The following AACS variants were observed in gnomAD, a reference collection of about 807,000 sequenced individuals.
AACS encodes the protein acetoacetate-CoA ligase.
AACS carries 69 observed loss-of-function variants against 83.1 expected under a neutral mutation model. The ratio of observed to expected loss-of-function variants is 0.83; its 90% CI spans 0.68 to 1.01. AACS has a LOEUF of 1.01. AACS is among the 50% of genes least tolerant of loss of function. The pLI, the probability that AACS is intolerant of heterozygous loss-of-function variation, is 0.00. For synonymous variants in AACS, 333 were observed against 343.4 expected (o/e 0.97, Z 0.33); for missense variants, 866 against 882.2 (o/e 0.98, Z 0.23).
chr12:125,132,759 C>T (rs967641348), intron 14 of AACS, among the ~76,000 whole-genome samples: 2 of 152,172 alleles, frequency 1.3e-5, no homozygotes, highest in African/African-American at 4.8e-5. Flanking sequence ...TCCCAGGGAC[C>T]ATGCACTCCT....
At chr12:125,102,326 A>T in intron 5 of AACS, 3 of 221,252 alleles carry the variant, frequency 1.4e-5, no homozygotes, top group South Asian at 1.4e-4. Flanking sequence ...CTTGGATTAC[A>T]GGTGTGAGCC....
intron 1 of AACS, among the ~76,000 whole-genome samples, chr12:125,073,348 C>T (rs1185554378): frequency 6.6e-6 from 1 of 152,196 alleles, no homozygotes; most frequent in Non-Finnish European, 1.5e-5. Context: ...CAACAGACTA[C>T]CAGTTTTGAA....
At chr12:125,098,251 A>C (rs939826531) in intron 5 of AACS, among the ~76,000 whole-genome samples, 17 of 152,010 alleles carry the variant, frequency 1.1e-4, no homozygotes, top group African/African-American at 4.1e-4. Context: ...GCAACATGGC[A>C]AAACTCCATC....
chr12:125,138,279 G>C (rs1214160645), intron 17 of AACS: 4 of 152,224 alleles, frequency 2.6e-5, no homozygotes, highest in Non-Finnish European at 5.9e-5. Flanking sequence ...TTGTGTTCTG[G>C]TTCTGCATGG....
chr12:125,128,813 C>T (rs1410063473), intron 13 of AACS: 3 of 154,158 alleles, frequency 1.9e-5, no homozygotes, highest in African/African-American at 7.2e-5. Context: ...ATGTTTGTAG[C>T]GCCCCATGAT....
intron 14 of AACS, among the ~76,000 whole-genome samples, chr12:125,133,781 G>A (rs936487260): frequency 2.0e-5 from 3 of 152,214 alleles, no homozygotes; most frequent in Non-Finnish European, 4.4e-5. Context: ...GAGGAGCTGC[G>A]TTCCTCCTCG....
At chr12:125,110,261 C>T (rs1029751731) in intron 8 of AACS, among the ~76,000 whole-genome samples, 1 of 143,870 alleles carries the variant, frequency 7.0e-6, no homozygotes, top group South Asian at 2.2e-4. Flanking sequence ...TTAGTAGAGA[C>T]GGGGTTTCAC....
chr12:125,072,213 A>G (rs563847977), intron 1 of AACS, among the ~76,000 whole-genome samples: 25 of 148,782 alleles, frequency 1.7e-4, no homozygotes, highest in Non-Finnish European at 3.7e-4. Context: ...GCTGGAGTGC[A>G]GTGGTGGGAT....
intron 9 of AACS, among the ~76,000 whole-genome samples, chr12:125,114,854 A>G (rs1386517541): frequency 6.8e-5 from 10 of 147,898 alleles, no homozygotes; most frequent in African/African-American, 2.5e-4. Flanking sequence ...GGCACATGGT[A>G]AGGGCTTCCC....
In AACS at chr12:125,129,724, C is replaced by T. The variant is rs1412525702; in HGVS notation, c.1549+264C>T. 6.6e-6 allele frequency among the ~76,000 whole-genome samples: 1 copy of T among 152,180 alleles called. No homozygotes were observed. Among genetic ancestry groups the T allele is most frequent in the Non-Finnish European group, 1.5e-5 (1 of 68,028 alleles). Reference sequence around the variant, plus strand: ...TGCCCAGAGCCTCTTGGCCCCAGCCCCTGCTGCTGGGAGCTGGCACGAGCC... The same window carrying T: ...TGCCCAGAGCCTCTTGGCCCCAGCCTCTGCTGCTGGGAGCTGGCACGAGCC... On this transcript the variant is annotated intron_variant, in intron 14 of 17. Transcript: ENST00000316519. This position sits in a 1 kb window ranked among gnomAD's most constrained non-coding sequence, Gnocchi z 4.3.
At chr12:125,122,855 A>ACTGT (rs1242819543) in intron 10 of AACS, 2 of 152,118 alleles carry the variant, frequency 1.3e-5, no homozygotes, top group African/African-American at 4.8e-5. Context: ...GGGACCTGAG[A>ACTGT]CTGTCTCATG....
chr12:125,102,916 T>A, intron 6 of AACS, 84 bp from the exon 7 acceptor site: 36 of 1,461,436 alleles, frequency 2.5e-5, no homozygotes, highest in Non-Finnish European at 3.4e-5. Flanking sequence ...TGCCCCAGAT[T>A]GTGTTATATT....
chr12:125,073,054 G>A (rs556010994), intron 1 of AACS, among the ~76,000 whole-genome samples: 3 of 148,242 alleles, frequency 2.0e-5, no homozygotes, highest in East Asian at 2.1e-4. Flanking sequence ...AGCCTCCCAC[G>A]TAGCTGGGAT....
At chr12:125,088,087 T>C (rs1956380355) in intron 4 of AACS, among the ~76,000 whole-genome samples, 1 of 152,178 alleles carries the variant, frequency 6.6e-6, no homozygotes, top group Non-Finnish European at 1.5e-5. Flanking sequence ...TGTGCGTGTG[T>C]TCTCCATACT....
intron 3 of AACS, among the ~76,000 whole-genome samples, chr12:125,084,093 C>T (rs943998614): frequency 5.3e-5 from 8 of 151,914 alleles, no homozygotes; most frequent in Admixed American, 1.3e-4. Flanking sequence ...ATTGGGAGTT[C>T]GAGGTCACTG....
chr12:125,071,723 G>T (rs764858892), intron 1 of AACS, among the ~76,000 whole-genome samples: 20 of 152,168 alleles, frequency 1.3e-4, no homozygotes, highest in Admixed American at 3.9e-4. Context: ...CCTGAAGTCG[G>T]CCGCTTTTGC....
chr12:125,115,039 C>T (rs545225985), intron 9 of AACS, among the ~76,000 whole-genome samples: 5 of 152,280 alleles, frequency 3.3e-5, no homozygotes, highest in Admixed American at 3.3e-4. Flanking sequence ...GAGTTGGGCC[C>T]GCTCCTCCGC....
intron 14 of AACS, among the ~76,000 whole-genome samples, chr12:125,133,002 G>A (rs746323512): frequency 1.3e-5 from 2 of 152,250 alleles, no homozygotes; most frequent in African/African-American, 4.8e-5. Flanking sequence ...ACAGAAGCTG[G>A]CTTCTTTACT....
In AACS at chr12:125,087,164, C is replaced by T. The variant is rs142470592; in HGVS notation, c.472+721C>T. ...TGCTGGTCCGTTCTGACGCCCTTCC[C>T]GCCTTGAGCCATAAAGCAAGGGAAG... On this transcript the variant is annotated intron_variant, in intron 4 of 17. Coordinates refer to ENST00000316519, the MANE Select transcript of AACS (RefSeq NM_023928.5). 9.4e-4 allele frequency among the ~76,000 whole-genome samples: 143 copies of T among 152,256 alleles called. 1 individual carries two copies. The highest frequency in any genetic ancestry group is 3.2e-3 in the African/African-American group (133 of 41,558).
Sources: allele counts gnomAD v4.1 joint callset (sites outside exome capture counted in the v4.1 genomes callset), GRCh38; gene constraint gnomAD v4.1.1; non-coding constraint Gnocchi (gnomAD v3.1); transcripts MANE v1.5; gene names NCBI Gene and HGNC (gene_info 2026-07-23, HGNC 2026-07-21).